Variants in GALNT13 observed in about 807,000 individuals in gnomAD.
GALNT13 encodes polypeptide N-acetylgalactosaminyltransferase 13, also known as UDP-GalNAc:polypeptide N-acetylgalactosaminyltransferase 13.
A neutral mutation model predicts 64.2 loss-of-function variants in GALNT13; 28 were observed. The observed-to-expected ratio is 0.44, with a 90% CI of 0.32 to 0.60. The LOEUF is 0.60. GALNT13 is among the 20% of genes least tolerant of loss of function. The pLI, the probability that GALNT13 is intolerant of heterozygous loss-of-function variation, is 0.05. For synonymous variants in GALNT13, 214 were observed against 224.6 expected (o/e 0.95, Z 0.42); for missense variants, 577 against 669.8 (o/e 0.86, Z 1.53).
intron 1 of GALNT13, among the ~76,000 whole-genome samples, chr2:153,880,475 A>T (rs76399769): frequency 0.2 from 30,500 of 151,966 alleles, 3,972 homozygotes; most frequent in Middle Eastern, 0.33. Flanking sequence ...TGGTTTAAAA[A>T]AGAGTTAAAA....
At chr2:153,669,615 CA>C in the GALNT13 span, among the ~76,000 whole-genome samples, 1 of 152,142 alleles carries the variant, frequency 6.6e-6, no homozygotes, top group Non-Finnish European at 1.5e-5. Context: ...GAGATTGATG[CA>C]AAAGACAGGT....
the GALNT13 span, among the ~76,000 whole-genome samples, chr2:153,602,701 A>T: frequency 6.6e-6 from 1 of 151,782 alleles, no homozygotes; most frequent in Non-Finnish European, 1.5e-5. Flanking sequence ...GGCTTTGGAG[A>T]TCATAGTAGG....
chr2:153,431,875 C>T, the GALNT13 span, among the ~76,000 whole-genome samples: 5 of 152,308 alleles, frequency 3.3e-5, no homozygotes, highest in African/African-American at 1.2e-4. Flanking sequence ...AGCCAGAAGA[C>T]AATCACATTA....
the GALNT13 span, among the ~76,000 whole-genome samples, chr2:153,661,705 T>G: frequency 6.6e-6 from 1 of 152,212 alleles, no homozygotes; most frequent in Non-Finnish European, 1.5e-5. Context: ...GGACTGGATA[T>G]TTTCTGTAAC....
At chr2:153,215,215 C>CT in the GALNT13 span, among the ~76,000 whole-genome samples, 1 of 152,016 alleles carries the variant, frequency 6.6e-6, no homozygotes, top group African/African-American at 2.4e-5. Flanking sequence ...TGCTCTTTCC[C>CT]ACTAAATTCT....
At chr2:153,904,011 T>A (rs1033599794) in intron 2 of GALNT13, among the ~76,000 whole-genome samples, 6 of 152,022 alleles carry the variant, frequency 3.9e-5, no homozygotes, top group African/African-American at 1.4e-4. Flanking sequence ...CTTTAAATAA[T>A]GTATCCTTAT....
At chr2:153,337,641 G>A in the GALNT13 span, 2 of 152,180 alleles carry the variant, frequency 1.3e-5, no homozygotes, top group African/African-American at 4.8e-5. Context: ...AAGGCATAGT[G>A]AGATAATCAA....
At chr2:153,586,846 A>G in the GALNT13 span, among the ~76,000 whole-genome samples, 3 of 152,192 alleles carry the variant, frequency 2.0e-5, no homozygotes, top group Admixed American at 1.3e-4. Flanking sequence ...CTCAGACCAC[A>G]GTAAAATAAA....
intron 11 of GALNT13, among the ~76,000 whole-genome samples, chr2:154,413,868 A>G (rs1485466264): frequency 6.6e-6 from 1 of 152,076 alleles, no homozygotes; most frequent in Non-Finnish European, 1.5e-5. Flanking sequence ...TTAACATACA[A>G]TATTTATAAA....
chr2:154,069,075 A>C (rs1700612474), intron 3 of GALNT13, among the ~76,000 whole-genome samples: 3 of 152,038 alleles, frequency 2.0e-5, no homozygotes, highest in Admixed American at 6.6e-5. Flanking sequence ...AAGCAAAAAC[A>C]ATGAAATTAC....
the GALNT13 span, among the ~76,000 whole-genome samples, chr2:153,857,048 T>C: frequency 6.6e-6 from 1 of 152,084 alleles, no homozygotes; most frequent in African/African-American, 2.4e-5. Context: ...GTGTTAGAAA[T>C]TGGGATACTG....
chr2:153,738,843 T>C, the GALNT13 span, among the ~76,000 whole-genome samples: 1 of 151,914 alleles, frequency 6.6e-6, no homozygotes, highest in Admixed American at 6.6e-5. Context: ...ATTATAGAAA[T>C]TGTTCCATTG....
the GALNT13 span, among the ~76,000 whole-genome samples, chr2:153,374,845 C>T: frequency 6.6e-6 from 1 of 152,170 alleles, no homozygotes; most frequent in Non-Finnish European, 1.5e-5. Context: ...CCAGTAATTG[C>T]TTTTTCCCTC....
the GALNT13 span, among the ~76,000 whole-genome samples, chr2:153,563,364 A>G: frequency 6.6e-6 from 1 of 151,946 alleles, no homozygotes; most frequent in Non-Finnish European, 1.5e-5. Flanking sequence ...ATGTTTATGC[A>G]CTATATTACG....
At chr2:153,665,786 C>A in the GALNT13 span, among the ~76,000 whole-genome samples, 1 of 152,002 alleles carries the variant, frequency 6.6e-6, no homozygotes, top group Admixed American at 6.5e-5. Flanking sequence ...ACTCTGGAAT[C>A]CTAGCCGCAG....
At chr2:154,397,754 A>T (rs1038456741) in intron 10 of GALNT13, among the ~76,000 whole-genome samples, 1 of 152,196 alleles carries the variant, frequency 6.6e-6, no homozygotes, top group African/African-American at 2.4e-5. Context: ...CTCATTAGCC[A>T]TGTAAATATC....
At chr2:153,193,730 A>T in the GALNT13 span, among the ~76,000 whole-genome samples, 12 of 152,008 alleles carry the variant, frequency 7.9e-5, no homozygotes, top group African/African-American at 2.7e-4. Context: ...GATTGTAGAT[A>T]CTGTCTTTTG....
chr2:153,795,864 T>C, the GALNT13 span, among the ~76,000 whole-genome samples: 5 of 152,210 alleles, frequency 3.3e-5, no homozygotes, highest in African/African-American at 1.2e-4. Flanking sequence ...AATTCACAAT[T>C]ATTCACTTAA....
At chr2:153,523,128 T>A in the GALNT13 span, among the ~76,000 whole-genome samples, 7 of 150,332 alleles carry the variant, frequency 4.7e-5, no homozygotes, top group African/African-American at 1.7e-4. Context: ...TTCAATTGCG[T>A]TGGCTTTGCT....
Sources: gnomAD v4.1 joint callset for allele counts (sites outside exome capture counted in the v4.1 genomes callset) on GRCh38, gnomAD v4.1.1 for gene constraint, MANE v1.5 for transcripts, NCBI Gene and HGNC (gene_info 2026-07-23, HGNC 2026-07-21) for gene names.